The following ARHGEF4 variants were observed in gnomAD, a reference collection of about 807,000 sequenced individuals.
ARHGEF4 encodes APC-stimulated guanine nucleotide exchange factor 1.
ARHGEF4 carries 119 observed loss-of-function variants against 162.0 expected under a neutral mutation model. The ratio of observed to expected loss-of-function variants is 0.73; its 90% CI spans 0.63 to 0.86. ARHGEF4 has a LOEUF of 0.86. Ranked by LOEUF, ARHGEF4 falls within the 40% of genes least tolerant of loss-of-function variation. The pLI is 0.00. For missense variants in ARHGEF4, 2,488 were observed against 2,456.0 expected, an observed-to-expected ratio of 1.01 and a Z score of -0.28; for synonymous variants, 1,014 against 979.9, an observed-to-expected ratio of 1.03 and a Z score of -0.65.
chr2:131,005,985 C>T (rs1688091086), intron 4 of ARHGEF4, among the ~76,000 whole-genome samples: 1 of 152,150 alleles, frequency 6.6e-6, no homozygotes, highest in Non-Finnish European at 1.5e-5. Flanking sequence ...CCAGCATAAT[C>T]ATATGAGCCC....
chr2:130,918,642 C>A (rs1048118826), intron 2 of ARHGEF4, among the ~76,000 whole-genome samples: 4 of 152,154 alleles, frequency 2.6e-5, no homozygotes, highest in African/African-American at 9.7e-5. Flanking sequence ...GCTGGCAGAG[C>A]GCCTCCAGGC....
intron 2 of ARHGEF4, among the ~76,000 whole-genome samples, chr2:130,921,867 T>G (rs1395413894): frequency 6.6e-6 from 1 of 151,892 alleles, no homozygotes; most frequent in Non-Finnish European, 1.5e-5. Flanking sequence ...GATTTTTGTA[T>G]TTTTAATAGA....
chr2:130,995,031 G>T (rs773514809), intron 4 of ARHGEF4, among the ~76,000 whole-genome samples: 4 of 152,204 alleles, frequency 2.6e-5, no homozygotes, highest in African/African-American at 4.8e-5. Flanking sequence ...ATTTTACTCA[G>T]CTTACAGTCC....
intron 4 of ARHGEF4, among the ~76,000 whole-genome samples, chr2:131,022,786 C>T (rs1473539773): frequency 6.6e-6 from 1 of 151,606 alleles, no homozygotes; most frequent in Non-Finnish European, 1.5e-5. Context: ...AGACATGACA[C>T]CAAAAGCATG....
At chr2:131,028,815 T>C (rs6430526) in intron 5 of ARHGEF4, among the ~76,000 whole-genome samples, 148,084 of 152,350 alleles carry the variant, frequency 0.97, 72,048 homozygotes, top group East Asian at 0.99. Flanking sequence ...CCATGTTCTC[T>C]AGTCAGGAGG....
chr2:130,850,130 C>T (rs1044678233), intron 1 of ARHGEF4, among the ~76,000 whole-genome samples: 2 of 152,124 alleles, frequency 1.3e-5, no homozygotes, highest in Non-Finnish European at 1.5e-5. Context: ...TGGGGGTTCT[C>T]AAAGCAGCCC....
chr2:131,044,513 G>A lies in ARHGEF4; in HGVS notation c.5372G>A (p.Arg1791Lys), dbSNP rs2105422021. Residue 1791 changes from arginine to lysine, a missense_variant, in exon 12 of 14, where the codon AGG (arginine) becomes AAG (lysine). Physicochemically the swap from Arg to Lys is conservative, Grantham distance 26 (BLOSUM62 2). This residue lies in a region of ARHGEF4 where 415 missense variants were observed against 512.4 expected (regional missense o/e 0.81). Coordinates refer to ENST00000409359, the MANE Select transcript of ARHGEF4 (RefSeq NM_001367493.1). ...QRWLKAFARE[R>K]EQVQLDQETG... The stretch of plus-strand genomic sequence containing the variant: ...TGGCTCAAGGCCTTTGCCAGGGAGA[G>A]GGAGCAGGTGCAGCTGGACCAGGAG... 1.3e-6 allele frequency: 2 copies of A among 1,551,246 alleles called. No homozygotes were observed. Among genetic ancestry groups the A allele is most frequent in the East Asian group, 2.4e-5 (1 of 40,984 alleles).
intron 11 of ARHGEF4, 121 bp from the exon 12 acceptor site, chr2:131,044,178 T>C (rs1248582903): frequency 2.1e-6 from 3 of 1,422,788 alleles, no homozygotes; most frequent in Admixed American, 4.1e-5. Context: ...TCTCACTGTC[T>C]GCTGGGGAGG....
At chr2:130,985,985 G>T (rs1360256057) in intron 4 of ARHGEF4, among the ~76,000 whole-genome samples, 1 of 151,614 alleles carries the variant, frequency 6.6e-6, no homozygotes, top group South Asian at 2.1e-4. Context: ...CATATGTTGT[G>T]TGTGGTATGT....
chr2:130,905,300 A>G (rs369673149), intron 1 of ARHGEF4, among the ~76,000 whole-genome samples: 4 of 152,300 alleles, frequency 2.6e-5, no homozygotes, highest in African/African-American at 9.6e-5. Context: ...GTTGAGCACA[A>G]GTCATTTATC....
chr2:130,881,974 A>G (rs1045324093), intron 1 of ARHGEF4, among the ~76,000 whole-genome samples: 2 of 152,036 alleles, frequency 1.3e-5, no homozygotes, highest in Non-Finnish European at 2.9e-5. Flanking sequence ...GCTTGGGGTA[A>G]TCAAGAGGGG....
At chr2:130,974,502 A>G (rs149170521) in intron 4 of ARHGEF4, among the ~76,000 whole-genome samples, 48 of 152,062 alleles carry the variant, frequency 3.2e-4, no homozygotes, top group African/African-American at 1.1e-3. Flanking sequence ...CTGGAGTGCA[A>G]TAGCATGATC....
chr2:130,888,883 C>A (rs1213027023), intron 1 of ARHGEF4, among the ~76,000 whole-genome samples: 1 of 151,768 alleles, frequency 6.6e-6, no homozygotes, highest in Non-Finnish European at 1.5e-5. Flanking sequence ...GGTGGATCAC[C>A]TGAGGTCAGG....
chr2:131,013,341 A>G (rs567005135), intron 4 of ARHGEF4, among the ~76,000 whole-genome samples: 52 of 152,240 alleles, frequency 3.4e-4, no homozygotes, highest in Non-Finnish European at 6.5e-4. Context: ...GTACAGGTCT[A>G]CCAACAAAGT....
At position 131,011,860 on chromosome 2, in the gene ARHGEF4, C is replaced by T. The variant is rs746025286; in HGVS notation, c.3986-16085C>T. 2.0e-4 allele frequency: 143 copies of T among 708,776 alleles called. No homozygotes were observed. Among genetic ancestry groups the T allele is most frequent in the Non-Finnish European group, 3.2e-4 (126 of 390,400 alleles). 43.9% of individuals were successfully genotyped at this position (708,776 alleles called of 1,614,324 possible). A position where few individuals can be genotyped will look rare whatever the true frequency, so the allele number is the denominator to read the frequency against. On this transcript the variant is annotated intron_variant, in intron 4 of 13. Coordinates refer to ENST00000409359, the MANE Select transcript of ARHGEF4 (RefSeq NM_001367493.1). ...CCAGCTGGAGGTTCTTGTGTCACTC[C>T]GTGAAGTGTGGGGGCGGCGGAGGGG...
chr2:130,999,433 G>A (rs904799061), intron 4 of ARHGEF4, among the ~76,000 whole-genome samples: 1 of 152,136 alleles, frequency 6.6e-6, no homozygotes, highest in Non-Finnish European at 1.5e-5. Context: ...TGGGATTACA[G>A]GCATGAGCCA....
chr2:130,980,480 C>T (rs1686048823), intron 4 of ARHGEF4, among the ~76,000 whole-genome samples: 1 of 151,668 alleles, frequency 6.6e-6, no homozygotes, highest in Admixed American at 6.6e-5. Flanking sequence ...ATGATAAATG[C>T]AAATATCAGT....
intron 5 of ARHGEF4, among the ~76,000 whole-genome samples, chr2:131,034,574 C>T (rs1160232568): frequency 6.6e-6 from 1 of 152,220 alleles, no homozygotes; most frequent in Non-Finnish European, 1.5e-5. Context: ...AATCCCTAAC[C>T]TTTCAGAGCC....
chr2:131,019,629 T>C (rs938304737), intron 4 of ARHGEF4, among the ~76,000 whole-genome samples: 7 of 37,558 alleles, frequency 1.9e-4, no homozygotes, highest in Non-Finnish European at 6.0e-4. Context: ...TTCTTTGGTT[T>C]TTGTTTTTGT....
Sources: gnomAD v4.1 joint callset for allele counts (sites outside exome capture counted in the v4.1 genomes callset) on GRCh38, gnomAD v4.1.1 for gene constraint, gnomAD v4.1.1 regional missense constraint, MANE v1.5 for transcripts, NCBI Gene and HGNC (gene_info 2026-07-23, HGNC 2026-07-21) for gene names.